The following CADPS variants were observed in gnomAD, a reference collection of about 807,000 sequenced individuals.
The protein encoded by CADPS is calcium-dependent secretion activator 1.
A neutral mutation model predicts 167.3 loss-of-function variants in CADPS; 57 were observed. That is an observed-to-expected ratio of 0.34 (90% confidence interval 0.28 to 0.42). The LOEUF (loss-of-function observed/expected upper bound fraction) is 0.42. CADPS is among the 20% of genes least tolerant of loss of function. The pLI, the probability that CADPS is intolerant of heterozygous loss-of-function variation, is 1.00. For missense variants in CADPS, 1,414 were observed against 1,738.1 expected (o/e 0.81, Z 3.32); for synonymous variants, 676 against 635.3 (o/e 1.06, Z -0.96).
At chr3:62,830,504 C>T (rs1229431894) in intron 1 of CADPS, among the ~76,000 whole-genome samples, 1 of 152,072 alleles carries the variant, frequency 6.6e-6, no homozygotes, top group Non-Finnish European at 1.5e-5. Context: ...CTTTGTTCTC[C>T]TTGTTTTTCT....
At chr3:62,522,103 ATC>A (rs2070764431) in intron 13 of CADPS, among the ~76,000 whole-genome samples, 1 of 111,108 alleles carries the variant, frequency 9.0e-6, no homozygotes, top group East Asian at 2.5e-4. Flanking sequence ...AGCTCTATCT[ATC>A]TATCTATCTA....
chr3:62,712,718 T>C (rs534354035), intron 3 of CADPS, among the ~76,000 whole-genome samples: 138 of 152,328 alleles, frequency 9.1e-4, no homozygotes, highest in African/African-American at 3.2e-3. Flanking sequence ...CTTTTAAAAA[T>C]ATGTGAAACA....
In CADPS at chr3:62,758,910, G is replaced by A. The variant is rs112749834; in HGVS notation, c.556-5137C>T. 7.8e-4 allele frequency among the ~76,000 whole-genome samples: 119 copies of A among 152,290 alleles called. 1 individual carries two copies. The highest frequency in any genetic ancestry group is 2.8e-3 in the African/African-American group (116 of 41,566). Reference sequence around the variant, plus strand: ...GACTGTTCACATTACAGATGAGGTTGGCCTAGCTCCCATTTGCTAGCTGAT... The same window carrying A: ...GACTGTTCACATTACAGATGAGGTTAGCCTAGCTCCCATTTGCTAGCTGAT... On this transcript the variant is annotated intron_variant, in intron 2 of 29. Coordinates refer to ENST00000383710, the MANE Select transcript of CADPS (RefSeq NM_003716.4).
chr3:62,539,538 A>G (rs765202251), intron 11 of CADPS, among the ~76,000 whole-genome samples: 8 of 151,632 alleles, frequency 5.3e-5, no homozygotes, highest in Admixed American at 1.3e-4. Flanking sequence ...AAAAAAAAAG[A>G]AGGAGGAGTA....
intron 1 of CADPS, among the ~76,000 whole-genome samples, chr3:62,851,890 TCCG>T (rs1390713617): frequency 6.6e-6 from 1 of 151,814 alleles, no homozygotes; most frequent in Non-Finnish European, 1.5e-5. Context: ...GGTTCCATTC[TCCG>T]CATCACTTTC....
intron 3 of CADPS, among the ~76,000 whole-genome samples, chr3:62,743,792 T>G (rs2080850223): frequency 6.6e-6 from 1 of 152,206 alleles, no homozygotes; most frequent in South Asian, 2.1e-4. Flanking sequence ...AAAATAATTC[T>G]TAGCCAATAT....
intron 3 of CADPS, among the ~76,000 whole-genome samples, chr3:62,685,403 G>C (rs991871513): frequency 6.6e-6 from 1 of 151,850 alleles, no homozygotes; most frequent in South Asian, 2.1e-4. Flanking sequence ...AAGTATAAAC[G>C]TGCCATATAA....
intron 3 of CADPS, among the ~76,000 whole-genome samples, chr3:62,731,835 A>AAAAAAAAAAAAAAAAAAAAGAAG (rs568495417): frequency 1.8e-5 from 2 of 110,242 alleles, no homozygotes; most frequent in Non-Finnish European, 3.6e-5. Flanking sequence ...AAAAAAGTAA[A>AAAAAAAAAAAAAAAAAAAAGAAG]GAAGGAAGAA....
rs376315928 is a variant in CADPS at position 62,492,298 on chromosome 3, C to T, written c.2876G>A (p.Arg959His). Residue 959 changes from arginine (R) to histidine (H), a missense_variant, in exon 20 of 30, where the codon CGT (arginine) becomes CAT (histidine). By Grantham distance (29) the Arg-to-His change is conservative. Transcript: ENST00000383710. The stretch of plus-strand genomic sequence containing the variant: ...TCAAAGGTAATACATACAGTCAGTA[C>T]GGAGAAAATCATTCAGCAGCTGAAA... ...PLFQLLNDFL[R>H]TDYNLCNGKF... 123 of 1,613,796 alleles carry T rather than the reference C, an allele frequency of 7.6e-5. No homozygotes were observed. The highest frequency in any genetic ancestry group is 5.0e-4 in the Middle Eastern group (3 of 6,060).
intron 12 of CADPS, among the ~76,000 whole-genome samples, chr3:62,534,310 G>A (rs1237915793): frequency 2.0e-5 from 3 of 152,314 alleles, no homozygotes; most frequent in Admixed American, 6.5e-5. Flanking sequence ...GCAGGTAGAG[G>A]CCACAGAAGT....
chr3:62,425,441 C>T (rs929449335), intron 28 of CADPS, among the ~76,000 whole-genome samples: 5 of 152,120 alleles, frequency 3.3e-5, no homozygotes, highest in African/African-American at 1.2e-4. Flanking sequence ...CCAGATTAAA[C>T]TCTCGGAACT....
intron 4 of CADPS, among the ~76,000 whole-genome samples, chr3:62,654,777 G>A (rs1476042957): frequency 6.6e-6 from 1 of 152,122 alleles, no homozygotes; most frequent in Non-Finnish European, 1.5e-5. Context: ...GTGGGTGGGG[G>A]AACTTGGTAA....
At chr3:62,638,431 TGAACA>T (rs371548337) in intron 6 of CADPS, among the ~76,000 whole-genome samples, 59 of 152,306 alleles carry the variant, frequency 3.9e-4, no homozygotes, top group African/African-American at 1.2e-3. Context: ...TGATTTCTAC[TGAACA>T]GTGATAGAAA....
At chr3:62,441,490 T>C (rs2056306702) in intron 27 of CADPS, among the ~76,000 whole-genome samples, 1 of 152,188 alleles carries the variant, frequency 6.6e-6, no homozygotes. Context: ...GGTCAAAAAC[T>C]ACATCTAAAA....
chr3:62,703,342 T>C (rs56149184), intron 3 of CADPS, among the ~76,000 whole-genome samples: 4 of 152,236 alleles, frequency 2.6e-5, no homozygotes, highest in Non-Finnish European at 5.9e-5. Flanking sequence ...GGGAGGGAGC[T>C]CTTGGTAGGA....
At chr3:62,504,848 A>G (rs920765084) in intron 17 of CADPS, among the ~76,000 whole-genome samples, 2 of 152,190 alleles carry the variant, frequency 1.3e-5, no homozygotes, top group East Asian at 3.9e-4. Flanking sequence ...GAAGAGATGC[A>G]TCCAGGAGCA....
chr3:62,469,369 G>GTA lies in CADPS; in HGVS notation c.3478-2958_3478-2957dup, dbSNP rs1475015790. 1.6e-4 allele frequency among the ~76,000 whole-genome samples: 24 copies of GTA among 152,114 alleles called. No homozygotes were observed. The East Asian group carries it at 4.1e-3, about 26-fold the overall frequency. On this transcript the variant is annotated intron_variant, in intron 24 of 29. Coordinates refer to ENST00000383710, the MANE Select transcript of CADPS (RefSeq NM_003716.4). ...TGCAGATGTGAAGCTCCATGAAGGG[G>GTA]TATATATATATCAGTGGGGCAACTT...
At chr3:62,644,259 C>A (rs991400205) in intron 6 of CADPS, among the ~76,000 whole-genome samples, 1 of 152,122 alleles carries the variant, frequency 6.6e-6, no homozygotes, top group African/African-American at 2.4e-5. Flanking sequence ...CTTTTGATGA[C>A]TCTCTTATGA....
chr3:62,548,624 C>G (rs2076867827), intron 11 of CADPS, among the ~76,000 whole-genome samples: 1 of 152,256 alleles, frequency 6.6e-6, no homozygotes, highest in South Asian at 2.1e-4. Context: ...AAGTTTACCT[C>G]TATTTAGTAG....
Sources: allele counts gnomAD v4.1 joint callset (sites outside exome capture counted in the v4.1 genomes callset), GRCh38; gene constraint gnomAD v4.1.1; transcripts MANE v1.5; gene names NCBI Gene and HGNC (gene_info 2026-07-23, HGNC 2026-07-21).